ALPK2: variants seen among roughly 807,000 people sequenced by gnomAD.
The protein encoded by ALPK2 is alpha-protein kinase 2.
A neutral mutation model predicts 163.1 loss-of-function variants in ALPK2; 127 were observed. That is an observed-to-expected ratio of 0.78 (90% confidence interval 0.67 to 0.90). The LOEUF is 0.90. ALPK2 is among the 40% of genes least tolerant of loss of function. The probability of loss-of-function intolerance (pLI) is 0.00; values close to 1 mark genes in which losing one functional copy is unlikely to be tolerated. For missense variants in ALPK2, 2,360 were observed against 2,589.6 expected, an observed-to-expected ratio of 0.91 and a Z score of 1.92; for synonymous variants, 953 against 959.1, an observed-to-expected ratio of 0.99 and a Z score of 0.12.
At chr18:58,541,723 C>A (rs1231215156) in intron 4 of ALPK2, among the ~76,000 whole-genome samples, 2 of 152,162 alleles carry the variant, frequency 1.3e-5, no homozygotes, top group African/African-American at 2.4e-5. Flanking sequence ...ACAACTGGCC[C>A]GCTGCTGATA....
At chr18:58,494,656 T>G (rs533299425) in intron 12 of ALPK2, among the ~76,000 whole-genome samples, 1 of 152,044 alleles carries the variant, frequency 6.6e-6, no homozygotes, top group Non-Finnish European at 1.5e-5. Flanking sequence ...AGCCCCCCCA[T>G]AGAACTTGCG....
At position 58,536,109 on chromosome 18, in the gene ALPK2, C is replaced by T. The variant is rs1395662036; in HGVS notation, c.4078G>A (p.Ala1360Thr). ...TTTTCCTTCCCTCCAGTTTCAGAAG[C>T]CGCTGACAGTGAATCTGTGACAGAT... The part of the protein sequence containing the change: ...ELSVTDSLSA[A>T]SETGGKENVN... The change falls in exon 5 of 13, where the codon GCT becomes ACT. Residue 1360 changes from alanine (A) to threonine (T), a missense_variant. By Grantham distance (58) the Ala-to-Thr change is moderately conservative. Transcript: ENST00000361673. 1.2e-6 allele frequency: 2 copies of T among 1,614,158 alleles called. No homozygotes were observed. The highest frequency in any genetic ancestry group is 2.2e-5 in the South Asian group (2 of 91,078).
Position 58,578,931 on chromosome 18 carries a change from A to C in ALPK2, c.1845T>G (p.Leu615=). ...STQAEQEAKT[L]QTSTDSVSKE... is the part of the protein sequence containing the mutation. Reference sequence around the variant, plus strand: ...TGGAGACTGAGTCTGTTGAAGTTTGAAGGGTTTTTGCTTCTTGCTCTGCCT... The same window carrying C: ...TGGAGACTGAGTCTGTTGAAGTTTGCAGGGTTTTTGCTTCTTGCTCTGCCT... Residue 615 remains leucine, a synonymous_variant, in exon 4 of 13, where the codon CTT becomes CTG. Transcript: ENST00000361673. 2 of 1,614,118 alleles carry C rather than the reference A, an allele frequency of 1.2e-6. No individual in the cohort carries two copies. Among genetic ancestry groups the C allele is most frequent in the Non-Finnish European group, 1.7e-6 (2 of 1,180,006 alleles).
At chr18:58,522,952 G>A (rs1424319059) in intron 8 of ALPK2, among the ~76,000 whole-genome samples, 6 of 148,926 alleles carry the variant, frequency 4.0e-5, no homozygotes, top group African/African-American at 1.5e-4. Context: ...TAGGGTACAT[G>A]TGCCCAATGT....
At chr18:58,564,123 C>CTTTTGTTTTTTTT in intron 4 of ALPK2, among the ~76,000 whole-genome samples, 1 of 102,490 alleles carries the variant, frequency 9.8e-6, no homozygotes, top group Non-Finnish European at 1.8e-5. Context: ...TGTCTTTGTT[C>CTTTTGTTTTTTTT]TTTTTTTTTT....
At position 58,579,468 on chromosome 18, in the gene ALPK2, G is replaced by A; in HGVS notation, c.1308C>T (p.His436=). 1 of 1,614,032 alleles carries A rather than the reference G, an allele frequency of 6.2e-7. No individual in the cohort carries two copies. Among genetic ancestry groups the A allele is most frequent in the Non-Finnish European group, 8.5e-7 (1 of 1,179,998 alleles). ...CTGTCACTGAAGACGTTCCATCCTGGTGAGGTCCCAAAATGAGAGTCATCC... is the reference window on the plus strand; with the variant it reads ...CTGTCACTGAAGACGTTCCATCCTGATGAGGTCCCAAAATGAGAGTCATCC... ...QTGMTLILGP[H]QDGTSSVTEQ... Residue 436 remains histidine (H), a synonymous_variant, in exon 4 of 13, where the codon CAC becomes CAT. Transcript: ENST00000361673.
intron 10 of ALPK2, among the ~76,000 whole-genome samples, chr18:58,513,597 C>T (rs530073258): frequency 6.0e-4 from 91 of 152,286 alleles, no homozygotes; most frequent in African/African-American, 2.1e-3. Flanking sequence ...CCCAAATTTG[C>T]CAGGCATGGT....
At chr18:58,538,311 T>A in intron 4 of ALPK2, 87 bp from the exon 5 acceptor site, 1 of 1,168,488 alleles carries the variant, frequency 8.6e-7, no homozygotes, top group Non-Finnish European at 1.2e-6. Context: ...GTGTTAATCC[T>A]CAATGACCGT....
chr18:58,507,245 T>C (rs1269366733), intron 10 of ALPK2, among the ~76,000 whole-genome samples: 1 of 151,872 alleles, frequency 6.6e-6, no homozygotes, highest in Admixed American at 6.6e-5. Context: ...GTGATCAGAG[T>C]GAAATGGCGG....
At chr18:58,611,340 A>C (rs1448843041) in intron 2 of ALPK2, among the ~76,000 whole-genome samples, 1 of 152,090 alleles carries the variant, frequency 6.6e-6, no homozygotes, top group Non-Finnish European at 1.5e-5. Context: ...ACCGAAAAAA[A>C]GTGATTCATG....
At chr18:58,576,094 C>T (rs2051920330) in intron 4 of ALPK2, among the ~76,000 whole-genome samples, 1 of 152,180 alleles carries the variant, frequency 6.6e-6, no homozygotes, top group African/African-American at 2.4e-5. Context: ...GCAAATTTGA[C>T]CGAGCGTGGT....
intron 12 of ALPK2, among the ~76,000 whole-genome samples, chr18:58,493,206 G>A (rs2051383827): frequency 6.6e-6 from 1 of 152,128 alleles, no homozygotes; most frequent in Non-Finnish European, 1.5e-5. Flanking sequence ...CCTGGCATTG[G>A]GGACTCAGCT....
chr18:58,575,386 C>T (rs557986212), intron 4 of ALPK2, among the ~76,000 whole-genome samples: 9 of 152,132 alleles, frequency 5.9e-5, no homozygotes, highest in Non-Finnish European at 1.0e-4. Flanking sequence ...CCTTCCATCA[C>T]GGAGCTCAAT....
At chr18:58,504,259 T>G (rs1411767064) in intron 10 of ALPK2, 111 bp from the exon 11 acceptor site, 1 of 851,356 alleles carries the variant, frequency 1.2e-6, no homozygotes, top group Non-Finnish European at 1.8e-6. Flanking sequence ...TTGTCCCCAA[T>G]TCTGCTAGGT....
intron 4 of ALPK2, among the ~76,000 whole-genome samples, chr18:58,552,717 C>T (rs1243470091): frequency 2.0e-5 from 3 of 150,390 alleles, no homozygotes; most frequent in Admixed American, 6.6e-5. Context: ...GACTTAGGGT[C>T]GGCAGGTGTT....
At chr18:58,487,338 A>T (rs561532216) in intron 12 of ALPK2, among the ~76,000 whole-genome samples, 1 of 152,280 alleles carries the variant, frequency 6.6e-6, no homozygotes, top group South Asian at 2.1e-4. Context: ...AACTCCAAGG[A>T]TTGCCAGCAA....
intron 4 of ALPK2, among the ~76,000 whole-genome samples, chr18:58,541,049 T>G (rs1025397607): frequency 4.6e-4 from 70 of 152,230 alleles, no homozygotes; most frequent in African/African-American, 1.6e-3. Flanking sequence ...AAAATAATCA[T>G]ATTCCATTGA....
At chr18:58,490,384 G>A (rs748546723) in intron 12 of ALPK2, among the ~76,000 whole-genome samples, 3 of 152,086 alleles carry the variant, frequency 2.0e-5, no homozygotes, top group East Asian at 1.9e-4. Context: ...CAGGCAATTC[G>A]CCCCTGCTTT....
chr18:58,520,286 C>T (rs573424129), intron 8 of ALPK2, among the ~76,000 whole-genome samples: 2 of 151,872 alleles, frequency 1.3e-5, no homozygotes, highest in South Asian at 2.1e-4. Flanking sequence ...AAAAATTAGT[C>T]AGGTGTGGTG....
Sources: allele counts gnomAD v4.1 joint callset (sites outside exome capture counted in the v4.1 genomes callset), GRCh38; gene constraint gnomAD v4.1.1; transcripts MANE v1.5; gene names NCBI Gene and HGNC (gene_info 2026-07-23, HGNC 2026-07-21).